The following ACACA variants were observed in gnomAD, a reference collection of about 807,000 sequenced individuals.
ACACA encodes the protein acetyl-CoA carboxylase alpha.
Under a neutral mutation model 296.1 loss-of-function variants are expected in ACACA, and 103 were observed. The ratio of observed to expected loss-of-function variants is 0.35; its 90% CI spans 0.30 to 0.41. The LOEUF (loss-of-function observed/expected upper bound fraction) is 0.41, where lower values mean the gene tolerates loss of function less well. Ranked by LOEUF, ACACA falls within the 10% of genes least tolerant of loss-of-function variation. The pLI, the probability that ACACA is intolerant of heterozygous loss-of-function variation, is 1.00. For synonymous variants in ACACA, 953 were observed against 1,038.6 expected (o/e 0.92, Z 1.58); for missense variants, 1,554 against 2,989.7 (o/e 0.52, Z 11.20).
Position 37,085,952 on chromosome 17 carries a change from C to G in ACACA, c.*1364G>C. ...ACACCAGCCCTGATCACCTGCCACTCTTGCTTTAGGAACAGAGGAATCAGT... is the reference window on the plus strand; with the variant it reads ...ACACCAGCCCTGATCACCTGCCACTGTTGCTTTAGGAACAGAGGAATCAGT... On this transcript the variant is annotated 3_prime_UTR_variant, in exon 56 of 56. Coordinates refer to ENST00000616317, the MANE Select transcript of ACACA (RefSeq NM_198834.3). 1 of 398,184 alleles carries G rather than the reference C, an allele frequency of 2.5e-6. No individual in the cohort carries two copies. Among genetic ancestry groups the G allele is most frequent in the Non-Finnish European group, 4.4e-6 (1 of 226,030 alleles). 24.7% of individuals were successfully genotyped at this position (398,184 alleles called of 1,614,324 possible).
intron 1 of ACACA, chr17:37,388,811 A>ATTGCC: frequency 6.2e-7 from 1 of 1,612,452 alleles, no homozygotes; most frequent in Admixed American, 1.7e-5. Context: ...TTGCTGTTGT[A>ATTGCC]TTGAATCCTT....
intron 41 of ACACA, chr17:37,163,047 G>T: frequency 6.4e-6 from 1 of 155,058 alleles, no homozygotes; most frequent in South Asian, 1.8e-4. Flanking sequence ...ACAGTTCCAT[G>T]ACTCCGAGAT....
At chr17:37,114,497 C>T (rs890948264) in intron 50 of ACACA, among the ~76,000 whole-genome samples, 8 of 146,232 alleles carry the variant, frequency 5.5e-5, no homozygotes, top group Admixed American at 1.4e-4. Context: ...TGCTGCTGTA[C>T]TCCAGTGTGG....
chr17:37,179,769 C>G (rs2077250937), intron 40 of ACACA, among the ~76,000 whole-genome samples: 1 of 152,074 alleles, frequency 6.6e-6, no homozygotes, highest in African/African-American at 2.4e-5. Flanking sequence ...AACTTGACAA[C>G]AAAGGAATAT....
At chr17:37,211,826 A>C (rs2078761449) in intron 29 of ACACA, among the ~76,000 whole-genome samples, 1 of 152,226 alleles carries the variant, frequency 6.6e-6, no homozygotes. Context: ...TGAATTCATA[A>C]GACAGCAAGA....
At chr17:37,240,439 G>A (rs1317870007) in intron 24 of ACACA, 37 bp downstream of exon 24, 5 of 1,591,314 alleles carry the variant, frequency 3.1e-6, no homozygotes, top group Non-Finnish European at 4.3e-6. Context: ...CAGAATCAAG[G>A]CTTTCTTAGC....
rs543038965 is a variant in ACACA, at chr17:37,245,366, T to C, written c.2461-152A>G. ...ATTTACCATCATCTCCTAGGGACTA[T>C]CAAGGCAAGCAATTAGAAAATCTCT... On this transcript the variant is annotated intron_variant, in intron 19 of 55. Coordinates refer to ENST00000616317, the MANE Select transcript of ACACA (RefSeq NM_198834.3). The C allele has an allele frequency of 2.8e-4, 196 of 709,832 alleles. 2 individuals are homozygous for C. Among genetic ancestry groups the C allele is most frequent in the South Asian group, 6.9e-4 (40 of 57,642 alleles). 44.0% of individuals were successfully genotyped at this position (709,832 alleles called of 1,614,324 possible). A position where few individuals can be genotyped will look rare whatever the true frequency, so the allele number is the denominator to read the frequency against.
At chr17:37,304,751 T>C (rs1349331990) in intron 3 of ACACA, among the ~76,000 whole-genome samples, 2 of 151,006 alleles carry the variant, frequency 1.3e-5, no homozygotes, top group Admixed American at 6.6e-5. Flanking sequence ...ATCGTGCCAT[T>C]GCACTCCAGC....
intron 1 of ACACA, among the ~76,000 whole-genome samples, chr17:37,378,823 A>C (rs1288605080): frequency 2.6e-5 from 4 of 152,190 alleles, no homozygotes; most frequent in Admixed American, 2.6e-4. Flanking sequence ...GCACTTTGGG[A>C]GGCCAAGGTG....
At chr17:37,153,459 A>C (rs1371373471) in intron 43 of ACACA, among the ~76,000 whole-genome samples, 1 of 152,180 alleles carries the variant, frequency 6.6e-6, no homozygotes, top group Non-Finnish European at 1.5e-5. Context: ...TAACGTTAGA[A>C]TGGTGCTACA....
intron 1 of ACACA, chr17:37,368,612 G>A (rs1163959846): frequency 6.6e-6 from 1 of 152,064 alleles, no homozygotes; most frequent in Non-Finnish European, 1.5e-5. Flanking sequence ...TGAAAATTCA[G>A]TTCACCAACC....
At chr17:37,271,135 G>A (rs1447532746) in intron 9 of ACACA, among the ~76,000 whole-genome samples, 1 of 152,152 alleles carries the variant, frequency 6.6e-6, no homozygotes, top group Non-Finnish European at 1.5e-5. Flanking sequence ...TGTCACATGG[G>A]TCAAAAACAA....
intron 1 of ACACA, among the ~76,000 whole-genome samples, chr17:37,397,923 G>A (rs2051133245): frequency 6.6e-6 from 1 of 151,902 alleles, no homozygotes. Flanking sequence ...AAGGCAGTGG[G>A]CACAAATAAA....
At chr17:37,324,670 CAAA>C (rs781511745) in intron 3 of ACACA, among the ~76,000 whole-genome samples, 1 of 95,744 alleles carries the variant, frequency 1.0e-5, no homozygotes, top group African/African-American at 4.1e-5. Context: ...AACTCCATCT[CAAA>C]AAAAAAAAAA....
chr17:37,239,471 G>A (rs1006278647), intron 24 of ACACA, among the ~76,000 whole-genome samples: 11 of 152,118 alleles, frequency 7.2e-5, no homozygotes, highest in African/African-American at 2.2e-4. Context: ...TGTTTTCAAC[G>A]TTTTACCATA....
chr17:37,089,990 G>A (rs978375764), intron 54 of ACACA, among the ~76,000 whole-genome samples: 1 of 152,138 alleles, frequency 6.6e-6, no homozygotes, highest in East Asian at 1.9e-4. Flanking sequence ...TTAAAGGTGC[G>A]CTATCCTTCT....
chr17:37,318,809 A>G (rs1252600576), intron 3 of ACACA, among the ~76,000 whole-genome samples: 1 of 152,226 alleles, frequency 6.6e-6, no homozygotes, highest in Non-Finnish European at 1.5e-5. Flanking sequence ...CTAGATTTAA[A>G]TAAAGTCATT....
intron 41 of ACACA, among the ~76,000 whole-genome samples, chr17:37,163,578 C>T (rs1222976422): frequency 1.3e-5 from 2 of 152,168 alleles, no homozygotes; most frequent in East Asian, 1.9e-4. Flanking sequence ...TTTTCATGAT[C>T]CAGGCTCCTT....
rs2073670272 is a variant in ACACA, at chr17:37,106,092, T to G, written c.6565+5439A>C. Reference sequence around the variant, plus strand: ...CAAACACAAGCAGTTGTTTAAAAGATCTATGTAATCACATTTTCTATGTTG... The same window carrying G: ...CAAACACAAGCAGTTGTTTAAAAGAGCTATGTAATCACATTTTCTATGTTG... On this transcript the variant is annotated intron_variant, in intron 52 of 55. Transcript: ENST00000616317. Among the ~76,000 whole-genome samples the G allele has an allele frequency of 2.0e-5, 3 of 152,028 alleles. No homozygotes were observed. In the South Asian group the frequency reaches 6.2e-4, roughly 32 times the overall value.
Sources: gnomAD v4.1 joint callset for allele counts (sites outside exome capture counted in the v4.1 genomes callset) on GRCh38, gnomAD v4.1.1 for gene constraint, MANE v1.5 for transcripts, NCBI Gene and HGNC (gene_info 2026-07-23, HGNC 2026-07-21) for gene names.